MPND: variants seen among roughly 807,000 people sequenced by gnomAD.
MPND encodes the protein MPN domain containing.
MPND carries 56 observed loss-of-function variants against 59.2 expected under a neutral mutation model. The ratio of observed to expected loss-of-function variants is 0.95; its 90% confidence interval spans 0.76 to 1.18. MPND has a LOEUF of 1.18. Ranked by LOEUF, MPND falls within the 50% of genes most tolerant of loss-of-function variation. The pLI, the probability that MPND is intolerant of heterozygous loss-of-function variation, is 0.00. For missense variants in MPND, 671 were observed against 676.0 expected (o/e 0.99, Z 0.08); for synonymous variants, 323 against 291.9 (o/e 1.11, Z -1.09).
intron 12 of MPND, 102 bp from the exon 13 acceptor site, chr19:4,359,814 A>AG (rs1491447512): frequency 4.4e-6 from 4 of 900,368 alleles, no homozygotes; most frequent in Admixed American, 2.5e-5. Context: ...CCTCGGTCTC[A>AG]GGGGGGCTCA....
At chr19:4,359,836 G>C in intron 12 of MPND, 80 bp from the exon 13 acceptor site, 1 of 1,172,134 alleles carries the variant, frequency 8.5e-7, no homozygotes, top group Non-Finnish European at 1.2e-6. Context: ...TCAGGATGCT[G>C]GACTTGCACG....
intron 12 of MPND, among the ~76,000 whole-genome samples, 171 bp downstream of exon 12, chr19:4,359,426 A>G (rs956110848): frequency 3.9e-5 from 6 of 152,008 alleles, no homozygotes; most frequent in Non-Finnish European, 8.8e-5. Context: ...TGCAGGCCAG[A>G]TTTGATTGGA....
chr19:4,358,976 C>T (rs1157233186), intron 11 of MPND, among the ~76,000 whole-genome samples, 187 bp from the exon 12 acceptor site: 4 of 152,138 alleles, frequency 2.6e-5, no homozygotes, highest in Admixed American at 1.3e-4. Context: ...GCCTCCCCCT[C>T]GAGAGAGCCC....
At chr19:4,357,743 T>A in intron 10 of MPND, 158 bp downstream of exon 10, 1 of 732,904 alleles carries the variant, frequency 1.4e-6, no homozygotes, top group Non-Finnish European at 2.2e-6. Context: ...CTGCCCATAT[T>A]TTGGTGAGGT....
chr19:4,351,353 T>C (rs1972311773), intron 3 of MPND, among the ~76,000 whole-genome samples: 1 of 152,054 alleles, frequency 6.6e-6, no homozygotes, highest in Admixed American at 6.5e-5. Context: ...GTCCACCGCC[T>C]CAGCCTCCCA....
intron 3 of MPND, among the ~76,000 whole-genome samples, chr19:4,351,936 G>A (rs1972327827): frequency 6.6e-6 from 1 of 150,948 alleles, no homozygotes; most frequent in South Asian, 2.1e-4. Context: ...ACTTTGGGAG[G>A]CTGAGGCAGG....
In MPND at chr19:4,354,070, G is replaced by A. The variant is rs963609163; in HGVS notation, c.690G>A (p.Val230=). 13 of 1,613,222 alleles carry A rather than the reference G, an allele frequency of 8.1e-6. No individual in the cohort carries two copies. Among genetic ancestry groups the A allele is most frequent in the South Asian group, 7.7e-5 (7 of 91,052 alleles). Residue 230 remains valine (V), a synonymous_variant, in exon 5 of 13, where the codon GTG becomes GTA. Transcript: ENST00000599840. ...AGGCCACAACCCCAGGGAAGCGGGTGGACAGCAAGATCCGGGTTCCGGTCC... is the reference window on the plus strand; with the variant it reads ...AGGCCACAACCCCAGGGAAGCGGGTAGACAGCAAGATCCGGGTTCCGGTCC... ...HPEATTPGKR[V]DSKIRVPVRY... is the part of the protein sequence containing the mutation.
Position 4,360,060 on chromosome 19 carries a change from TA to T in MPND, c.*61del, listed in dbSNP as rs1568402831. On this transcript the variant is annotated 3_prime_UTR_variant, in exon 13 of 13. Coordinates refer to ENST00000599840, the MANE Select transcript of MPND (RefSeq NM_001300862.2). ...TGAGGGTCCGGATGGGCTCAGGTAATAAAGAAACGGAAGCAGCAGCCAGCCA... is the reference window on the plus strand; with the variant it reads ...TGAGGGTCCGGATGGGCTCAGGTAATAAGAAACGGAAGCAGCAGCCAGCCA... 2.3e-5 allele frequency: 33 copies of T among 1,455,378 alleles called. No individual in the cohort carries two copies. The highest frequency in any genetic ancestry group is 3.1e-5 in the Non-Finnish European group (33 of 1,066,034). 90.2% of individuals were successfully genotyped at this position (1,455,378 alleles called of 1,614,324 possible).
rs549607312 is a variant in MPND, at chr19:4,354,265, G to T, written c.750-59G>T. 110 of 1,513,014 alleles carry T rather than the reference G, an allele frequency of 7.3e-5. No individual in the cohort carries two copies. The East Asian group carries it at 2.6e-3, about 36-fold the overall frequency. The allele number at this position is 1,513,014 out of a possible 1,614,324, so 93.7% of individuals were successfully genotyped here. ...GCTGTGGGGTTGGGGGAGTCAGTGTGGGGGCGAGGGAAGAGCCTGGGGATT... is the reference window on the plus strand; with the variant it reads ...GCTGTGGGGTTGGGGGAGTCAGTGTTGGGGCGAGGGAAGAGCCTGGGGATT... On this transcript the variant is annotated intron_variant, in intron 5 of 12. Coordinates refer to ENST00000599840, the MANE Select transcript of MPND (RefSeq NM_001300862.2).
At chr19:4,348,250 AT>A (rs1972231180) in intron 3 of MPND, 1 of 134,308 alleles carries the variant, frequency 7.4e-6, no homozygotes, top group African/African-American at 2.8e-5. Context: ...CAAATTGCAA[AT>A]TTCTTTTTTT....
At chr19:4,358,031 C>A in intron 10 of MPND, 52 bp from the exon 11 acceptor site, 1 of 1,463,726 alleles carries the variant, frequency 6.8e-7, no homozygotes, top group Non-Finnish European at 9.4e-7. Flanking sequence ...TCCCCAGCTG[C>A]CATGGGCTGC....
At chr19:4,350,542 G>GC (rs1362122051) in intron 3 of MPND, among the ~76,000 whole-genome samples, 1 of 152,230 alleles carries the variant, frequency 6.6e-6, no homozygotes, top group Non-Finnish European at 1.5e-5. Flanking sequence ...CGACCATGGA[G>GC]CAGGGAAGAA....
rs775081282 is a variant in MPND, at chr19:4,345,918, C to A, written c.468C>A (p.Asp156Glu). 4.5e-5 allele frequency: 72 copies of A among 1,613,682 alleles called. No individual in the cohort carries two copies. In the South Asian group the frequency reaches 7.4e-4, roughly 16 times the overall value. The change falls in exon 3 of 13, where the codon GAC becomes GAA. Residue 156 changes from aspartate (D) to glutamate (E), a missense_variant. Physicochemically the swap from Asp to Glu is conservative, Grantham distance 45. Transcript: ENST00000599840. ...ASVKYKGQKL[D>E]KYKATWLRLH... ...TCAAGTACAAAGGCCAGAAACTGGACAAGTACAAGGCCACCTGGCTCCGGC... is the reference window on the plus strand; with the variant it reads ...TCAAGTACAAAGGCCAGAAACTGGAAAAGTACAAGGCCACCTGGCTCCGGC...
In MPND at chr19:4,357,401, C is replaced by A; in HGVS notation, c.1145C>A (p.Pro382His). The change falls in exon 9 of 13, where the codon CCC becomes CAC. Residue 382 changes from proline (P) to histidine (H), a missense_variant. Physicochemically the swap from Pro to His is moderately conservative, Grantham distance 77 (BLOSUM62 -2). Coordinates refer to ENST00000599840, the MANE Select transcript of MPND (RefSeq NM_001300862.2). ...RLQGSSNGFQ[P>H]CLALLCSPYY... is the part of the protein sequence containing the mutation. ...CAGGGCTCCAGCAATGGCTTCCAGC[C>A]CTGCCTCGCCCTGCTCTGCTGTACG... 1 of 1,612,650 alleles carries A rather than the reference C, an allele frequency of 6.2e-7. No homozygotes were observed. Among genetic ancestry groups the A allele is most frequent in the Non-Finnish European group, 8.5e-7 (1 of 1,179,742 alleles).
rs371393082 is a variant in MPND, at chr19:4,359,216, A to G, written c.1380A>G (p.Glu460=). 7.1e-5 allele frequency: 114 copies of G among 1,611,688 alleles called. No homozygotes were observed. The highest frequency in any genetic ancestry group is 9.0e-5 in the Non-Finnish European group (106 of 1,179,288). ...CCCCTGACCTCGTGAGGCTCCAGGA[A>G]CCCTGGAGCCAGGAGCACACCTACC... The part of the protein sequence containing the change: ...KGSPDLVRLQ[E]PWSQEHTYLD... The change falls in exon 12 of 13, where the codon GAA becomes GAG. Residue 460 remains glutamate, a synonymous_variant. Coordinates refer to ENST00000599840, the MANE Select transcript of MPND (RefSeq NM_001300862.2).
intron 3 of MPND, chr19:4,348,180 C>G (rs939921157): frequency 6.5e-6 from 1 of 153,036 alleles, no homozygotes; most frequent in Non-Finnish European, 1.5e-5. Context: ...GCGTGAGCCA[C>G]CAAGCCCAGC....
In MPND at chr19:4,357,239, G is replaced by A. The variant is rs552363289; in HGVS notation, c.997-14G>A. On this transcript the variant is annotated splice_polypyrimidine_tract_variant and intron_variant, in intron 8 of 12. Transcript: ENST00000599840. The stretch of plus-strand genomic sequence containing the variant: ...CAGGCCCCTGTGCCCGCTGAGCTGC[G>A]CCTCTGTCCCCAGATCTACCAGAGC... 1.8e-5 allele frequency: 28 copies of A among 1,571,526 alleles called. No homozygotes were observed. Among genetic ancestry groups the A allele is most frequent in the Middle Eastern group, 1.9e-4 (1 of 5,338 alleles).
intron 12 of MPND, 122 bp downstream of exon 12, chr19:4,359,377 A>T: frequency 1.4e-6 from 1 of 693,036 alleles, no homozygotes; most frequent in Non-Finnish European, 2.5e-6. Context: ...CAGCTGGCAG[A>T]CTGGTGACCC....
chr19:4,347,550 T>C (rs1307010304), intron 3 of MPND, among the ~76,000 whole-genome samples: 1 of 152,070 alleles, frequency 6.6e-6, no homozygotes, highest in Non-Finnish European at 1.5e-5. Context: ...CCTGTAGATA[T>C]GTTTTCATAA....
Sources: allele counts gnomAD v4.1 joint callset (sites outside exome capture counted in the v4.1 genomes callset), GRCh38; gene constraint gnomAD v4.1.1; transcripts MANE v1.5; gene names NCBI Gene and HGNC (gene_info 2026-07-23, HGNC 2026-07-21).